The following PCBP3 variants were observed in gnomAD, a reference collection of about 807,000 sequenced individuals.
PCBP3 encodes poly(rC) binding protein 3, also known as poly(rC)-binding protein 3.
In PCBP3, 25 loss-of-function variants were observed where a neutral mutation model predicts 52.7. The observed-to-expected ratio is 0.47, with a 90% CI of 0.35 to 0.66. The LOEUF is 0.66. Ranked by LOEUF, PCBP3 falls within the 30% of genes least tolerant of loss-of-function variation. The pLI is 0.01. For synonymous variants in PCBP3, 162 were observed against 183.0 expected, an observed-to-expected ratio of 0.89 and a Z score of 0.93; for missense variants, 391 against 490.3, an observed-to-expected ratio of 0.80 and a Z score of 1.91.
intron 1 of PCBP3, among the ~76,000 whole-genome samples, chr21:45,664,948 C>T (rs1311691254): frequency 2.0e-5 from 3 of 152,018 alleles, no homozygotes; most frequent in African/African-American, 4.8e-5. Flanking sequence ...ATGGTTGTGT[C>T]ATCTACAGTT....
At chr21:45,758,633 C>T (rs1355173777) in intron 4 of PCBP3, among the ~76,000 whole-genome samples, 1 of 151,906 alleles carries the variant, frequency 6.6e-6, no homozygotes, top group Non-Finnish European at 1.5e-5. Context: ...ATAAATATAA[C>T]TCATTTTTAT....
intron 7 of PCBP3, among the ~76,000 whole-genome samples, chr21:45,900,116 C>A (rs1006850122): frequency 2.0e-5 from 3 of 152,240 alleles, no homozygotes; most frequent in Non-Finnish European, 4.4e-5. Context: ...ACATTTTCAC[C>A]GCTTCCGGGG....
At chr21:45,781,972 A>G (rs2090668405) in intron 4 of PCBP3, among the ~76,000 whole-genome samples, 1 of 152,190 alleles carries the variant, frequency 6.6e-6, no homozygotes, top group African/African-American at 2.4e-5. Flanking sequence ...ATTCTTACTC[A>G]TCATAACTCT....
At chr21:45,646,944 T>C (rs1200024418) in intron 1 of PCBP3, among the ~76,000 whole-genome samples, 1 of 152,256 alleles carries the variant, frequency 6.6e-6, no homozygotes, top group Non-Finnish European at 1.5e-5. Flanking sequence ...GTTAGAGCTA[T>C]ATCTACTCTC....
At chr21:45,940,815 A>AGGCACACTGTACCACCAGCCCCCCAGCCC (rs2077384421) in intron 17 of PCBP3, among the ~76,000 whole-genome samples, 1 of 148,626 alleles carries the variant, frequency 6.7e-6, no homozygotes, top group African/African-American at 2.5e-5. Context: ...CCCCCCAGCC[A>AGGCACACTGTACCACCAGCCCCCCAGCCC]GGCACGCTGT....
rs1228117081 is a variant in PCBP3 at position 45,668,970 on chromosome 21, A to C, written c.-200+18A>C. ...CTCTGGAGGTAATCTATTGCCATAAAGGATTTTCCAATTATCCTTAGGTTT... is the reference window on the plus strand; with the variant it reads ...CTCTGGAGGTAATCTATTGCCATAACGGATTTTCCAATTATCCTTAGGTTT... On this transcript the variant is annotated intron_variant, in intron 2 of 17. Transcript: ENST00000681687. 2.6e-5 allele frequency: 4 copies of C among 152,196 alleles called. No homozygotes were observed. The highest frequency in any genetic ancestry group is 9.7e-5 in the African/African-American group (4 of 41,444). 9.4% of individuals were successfully genotyped at this position (152,196 alleles called of 1,614,324 possible).
At chr21:45,902,684 AG>A (rs1375527678) in intron 9 of PCBP3, among the ~76,000 whole-genome samples, 1 of 152,260 alleles carries the variant, frequency 6.6e-6, no homozygotes, top group African/African-American at 2.4e-5. Flanking sequence ...CATAGCCATG[AG>A]GACCAGCCTT....
intron 2 of PCBP3, among the ~76,000 whole-genome samples, chr21:45,733,110 T>C (rs1397631583): frequency 6.6e-6 from 1 of 152,244 alleles, no homozygotes; most frequent in African/African-American, 2.4e-5. Context: ...TTTTCTTTTG[T>C]GGTCTAATAT....
intron 4 of PCBP3, among the ~76,000 whole-genome samples, chr21:45,835,762 C>T (rs1216643053): frequency 2.0e-5 from 3 of 152,158 alleles, no homozygotes; most frequent in Non-Finnish European, 4.4e-5. Flanking sequence ...ATCCAGGCCA[C>T]ACCTGCCAGC....
intron 4 of PCBP3, among the ~76,000 whole-genome samples, chr21:45,798,433 A>G (rs111962896): frequency 5.1e-3 from 732 of 144,460 alleles, no homozygotes; most frequent in African/African-American, 0.014. Context: ...GCATGGATCC[A>G]TAGAGAGAGT....
rs559066476 is a variant in PCBP3, at chr21:45,735,824, G to A, written c.-162+395G>A. Among the ~76,000 whole-genome samples the A allele has an allele frequency of 2.2e-4, 33 of 152,272 alleles. 1 individual carries two copies. The highest frequency in any genetic ancestry group is 1.5e-5 in the Non-Finnish European group (1 of 68,026). ...ACGCCTTTGTTCTTGTGCCAACAGT[G>A]CCCACTGCCCGGTAGTGCCTGTGTG... On this transcript the variant is annotated intron_variant, in intron 3 of 17. Coordinates refer to ENST00000681687, the MANE Select transcript of PCBP3 (RefSeq NM_001384156.1). This position sits in a 1 kb window ranked among gnomAD's most constrained non-coding sequence, Gnocchi z 4.0.
chr21:45,650,168 A>G (rs2146805105), intron 1 of PCBP3, among the ~76,000 whole-genome samples: 1 of 152,090 alleles, frequency 6.6e-6, no homozygotes, highest in African/African-American at 2.4e-5. Flanking sequence ...TTTTACAAAA[A>G]AAAAAACCAA....
At chr21:45,876,457 T>C (rs796084796) in intron 5 of PCBP3, among the ~76,000 whole-genome samples, 4 of 152,216 alleles carry the variant, frequency 2.6e-5, no homozygotes, top group African/African-American at 9.6e-5. Context: ...GAGCGGTCAC[T>C]GTTCCCCACT....
intron 4 of PCBP3, among the ~76,000 whole-genome samples, chr21:45,777,970 C>CTTT (rs71318012): frequency 1.5e-5 from 2 of 130,824 alleles, no homozygotes; most frequent in African/African-American, 2.9e-5. Flanking sequence ...TGGGGAGGGC[C>CTTT]TTTTTTTTTT....
At chr21:45,867,334 AGAAAT>A (rs1392542327) in intron 5 of PCBP3, among the ~76,000 whole-genome samples, 4 of 152,224 alleles carry the variant, frequency 2.6e-5, no homozygotes, top group South Asian at 2.1e-4. Flanking sequence ...GCAACCACCT[AGAAAT>A]GAACGTACAG....
In PCBP3 at chr21:45,671,953, C is replaced by T. The variant is rs1015922821; in HGVS notation, c.-200+3001C>T. Reference sequence around the variant, plus strand: ...TCCTCCAGGCCTCCTTTCTCTGTCCCTCCATCTGGCTAGGCCTTGGGAGTG... The same window carrying T: ...TCCTCCAGGCCTCCTTTCTCTGTCCTTCCATCTGGCTAGGCCTTGGGAGTG... On this transcript the variant is annotated intron_variant, in intron 2 of 17. Transcript: ENST00000681687. Among the ~76,000 whole-genome samples, 4 of 152,114 alleles carry T rather than the reference C, an allele frequency of 2.6e-5. No individual in the cohort carries two copies. The East Asian group carries it at 7.7e-4, about 29-fold the overall frequency.
At chr21:45,671,556 T>C (rs189054549) in intron 2 of PCBP3, among the ~76,000 whole-genome samples, 98 of 152,304 alleles carry the variant, frequency 6.4e-4, no homozygotes, top group African/African-American at 2.0e-3. Flanking sequence ...CATCTATCAA[T>C]GTTTTCTAAG....
chr21:45,660,074 C>T (rs2080283947), intron 1 of PCBP3, among the ~76,000 whole-genome samples: 1 of 151,938 alleles, frequency 6.6e-6, no homozygotes, highest in Non-Finnish European at 1.5e-5. Context: ...GTTGAACTGT[C>T]TGATTCTCCC....
intron 9 of PCBP3, among the ~76,000 whole-genome samples, chr21:45,908,575 G>A (rs573406917): frequency 6.6e-6 from 1 of 152,162 alleles, no homozygotes; most frequent in African/African-American, 2.4e-5. Flanking sequence ...TGTCCTGGGG[G>A]TGCTGCCCTG....
Sources: allele counts gnomAD v4.1 joint callset (sites outside exome capture counted in the v4.1 genomes callset), GRCh38; gene constraint gnomAD v4.1.1; non-coding constraint Gnocchi (gnomAD v3.1); transcripts MANE v1.5; gene names NCBI Gene and HGNC (gene_info 2026-07-23, HGNC 2026-07-21).